The following HDAC9 variants were observed in gnomAD, a reference collection of about 807,000 sequenced individuals.
HDAC9 encodes the protein histone deacetylase 9.
Under a neutral mutation model 139.4 loss-of-function variants are expected in HDAC9, and 41 were observed. That is an observed-to-expected ratio of 0.29 (90% confidence interval 0.23 to 0.38). HDAC9 has a LOEUF of 0.38. HDAC9 is among the 10% of genes least tolerant of loss of function. The probability of loss-of-function intolerance (pLI) is 1.00; values close to 1 mark genes in which losing one functional copy is unlikely to be tolerated. For missense variants in HDAC9, 1,147 were observed against 1,297.0 expected, an observed-to-expected ratio of 0.88 and a Z score of 1.78; for synonymous variants, 517 against 476.2, an observed-to-expected ratio of 1.09 and a Z score of -1.12.
In HDAC9 at chr7:18,557,886, A is replaced by G. The variant is rs76989344; in HGVS notation, c.23-27395A>G. On this transcript the variant is annotated intron_variant, in intron 2 of 25. Transcript: ENST00000686413. Reference sequence around the variant, plus strand: ...TACTAACATATATTTTTCTTTTTACAAGTGAGCCTACTACCTGCTGAACTT... The same window carrying G: ...TACTAACATATATTTTTCTTTTTACGAGTGAGCCTACTACCTGCTGAACTT... 8.9e-3 allele frequency among the ~76,000 whole-genome samples: 1,350 copies of G among 152,002 alleles called. 24 individuals carry two copies. The highest frequency in any genetic ancestry group is 0.031 in the African/African-American group (1,295 of 41,526).
At chr7:18,715,080 T>C (rs1784603154) in intron 12 of HDAC9, among the ~76,000 whole-genome samples, 1 of 152,146 alleles carries the variant, frequency 6.6e-6, no homozygotes, top group African/African-American at 2.4e-5. Flanking sequence ...TCTCAGCAAA[T>C]ACACCAGAGT....
rs141754030 is a variant in HDAC9 at position 18,361,511 on chromosome 7, T to C, written c.-42+70996T>C. 1.6e-3 allele frequency among the ~76,000 whole-genome samples: 237 copies of C among 152,268 alleles called. 2 individuals are homozygous for C. Among genetic ancestry groups the C allele is most frequent in the African/African-American group, 5.5e-3 (228 of 41,550 alleles). ...GAAAACCTTTAAATTGAAATTTAATTATTTCAATTTAAACATTCTTATTCT... is the reference window on the plus strand; with the variant it reads ...GAAAACCTTTAAATTGAAATTTAATCATTTCAATTTAAACATTCTTATTCT... On this transcript the variant is annotated intron_variant, in intron 1 of 3. Coordinates refer to the HDAC9 transcript ENST00000413509.
intron 2 of HDAC9, among the ~76,000 whole-genome samples, chr7:18,223,977 C>T (rs749505548): frequency 1.3e-5 from 2 of 152,126 alleles, no homozygotes; most frequent in Non-Finnish European, 2.9e-5. Context: ...CAATTATCGT[C>T]ATTACAATAT....
At chr7:18,808,226 A>G (rs1793884578) in intron 17 of HDAC9, 1 of 152,196 alleles carries the variant, frequency 6.6e-6, no homozygotes, top group African/African-American at 2.4e-5. Context: ...CTGCCAAATC[A>G]ACCCTGGTGA....
intron 13 of HDAC9, among the ~76,000 whole-genome samples, chr7:18,735,712 A>C (rs1006009397): frequency 1.3e-5 from 2 of 152,214 alleles, no homozygotes; most frequent in African/African-American, 2.4e-5. Flanking sequence ...TGTCTTGGCT[A>C]TGCAGGCTCT....
chr7:18,857,693 C>G (rs1321316060), intron 21 of HDAC9, among the ~76,000 whole-genome samples: 2 of 152,018 alleles, frequency 1.3e-5, no homozygotes, highest in Admixed American at 6.6e-5. Flanking sequence ...AGGAATCTGT[C>G]CTGACATTAT....
intron 14 of HDAC9, among the ~76,000 whole-genome samples, chr7:18,754,733 A>G (rs1203324858): frequency 6.6e-6 from 1 of 152,162 alleles, no homozygotes; most frequent in African/African-American, 2.4e-5. Flanking sequence ...TCTTCTCGGC[A>G]GTTCCAATGA....
intron 1 of HDAC9, among the ~76,000 whole-genome samples, chr7:18,373,862 C>T (rs1784775355): frequency 1.3e-5 from 2 of 151,988 alleles, no homozygotes; most frequent in Non-Finnish European, 2.9e-5. Context: ...ATACTTGTGA[C>T]TCCAGTTTTT....
Position 18,277,550 on chromosome 7 carries a change from C to A in HDAC9, c.25+115201C>A, listed in dbSNP as rs535588110. ...TTATTTATACGTAGAACTTATAGTT[C>A]TTTTCTTCCATTTTGATATTGTCTG... On this transcript the variant is annotated intron_variant, in intron 2 of 12. Transcript: ENST00000417496. Among the ~76,000 whole-genome samples the A allele has an allele frequency of 3.3e-5, 5 of 152,210 alleles. No individual in the cohort carries two copies. The South Asian group carries it at 8.3e-4, about 25-fold the overall frequency.
chr7:18,373,398 T>G (rs1454739426), intron 1 of HDAC9, among the ~76,000 whole-genome samples: 1 of 152,196 alleles, frequency 6.6e-6, no homozygotes, highest in Non-Finnish European at 1.5e-5. Flanking sequence ...TATCCTTCAT[T>G]TATTCATCTG....
intron 6 of HDAC9, among the ~76,000 whole-genome samples, chr7:18,604,115 G>A (rs1272437899): frequency 6.6e-6 from 1 of 151,632 alleles, no homozygotes; most frequent in Non-Finnish European, 1.5e-5. Context: ...TATTTATATT[G>A]TTTCATATTC....
chr7:18,987,782 T>C (rs1428679436), intron 25 of HDAC9, among the ~76,000 whole-genome samples: 1 of 152,202 alleles, frequency 6.6e-6, no homozygotes, highest in Non-Finnish European at 1.5e-5. Flanking sequence ...AACTTCTTCC[T>C]GGTTTAGTCT....
intron 2 of HDAC9, among the ~76,000 whole-genome samples, chr7:18,532,957 C>T (rs1809525681): frequency 6.6e-6 from 1 of 152,084 alleles, no homozygotes; most frequent in Non-Finnish European, 1.5e-5. Flanking sequence ...TGTGTTCACC[C>T]ACAGGAGTGT....
chr7:18,164,382 T>A (rs1787860529), intron 2 of HDAC9, among the ~76,000 whole-genome samples: 1 of 152,212 alleles, frequency 6.6e-6, no homozygotes, highest in South Asian at 2.1e-4. Context: ...ATTGTTTGAT[T>A]TAGAAAAAAA....
intron 1 of HDAC9, among the ~76,000 whole-genome samples, chr7:18,351,069 T>C (rs1453155306): frequency 6.6e-6 from 1 of 152,198 alleles, no homozygotes; most frequent in Non-Finnish European, 1.5e-5. Flanking sequence ...TTAACTCCTT[T>C]TTTTCCTTCA....
At chr7:18,573,961 T>C (rs1192521932) in intron 2 of HDAC9, among the ~76,000 whole-genome samples, 1 of 152,194 alleles carries the variant, frequency 6.6e-6, no homozygotes, top group Non-Finnish European at 1.5e-5. Flanking sequence ...GCCCTGTTCG[T>C]GTTAACAGCT....
chr7:18,709,401 A>G (rs1035428067), intron 12 of HDAC9, among the ~76,000 whole-genome samples: 7 of 152,194 alleles, frequency 4.6e-5, no homozygotes, highest in African/African-American at 1.4e-4. Flanking sequence ...GCTGCATAGT[A>G]TGGAGTTTGT....
chr7:18,606,483 T>C (rs1426936680), intron 6 of HDAC9, among the ~76,000 whole-genome samples: 1 of 152,188 alleles, frequency 6.6e-6, no homozygotes, highest in African/African-American at 2.4e-5. Flanking sequence ...GTTCATATGC[T>C]AAAAACTGAG....
rs971682491 is a variant in HDAC9 at position 18,996,024 on chromosome 7, A to G, written c.3172A>G (p.Thr1058Ala). The G allele has an allele frequency of 5.6e-6, 9 of 1,601,210 alleles. No individual in the cohort carries two copies. Among genetic ancestry groups the G allele is most frequent in the Non-Finnish European group, 6.8e-6 (8 of 1,173,660 alleles). The change falls in exon 26 of 26, where the codon ACT (threonine) becomes GCT (alanine). Residue 1058 changes from threonine (T) to alanine (A), a missense_variant and splice_region_variant. Coordinates refer to ENST00000686413, the MANE Select transcript of HDAC9 (RefSeq NM_178425.4). ...CTGATTGCCTGTTTATTTTTACAGA[A>G]CTGCTGGTGAGCCTATGGAAGAGGA... ...EQPFAQEDSR[T>A]AGEPMEEEPA... is the part of the protein sequence containing the mutation.
Sources: allele counts gnomAD v4.1 joint callset (sites outside exome capture counted in the v4.1 genomes callset), GRCh38; gene constraint gnomAD v4.1.1; transcripts MANE v1.5; gene names NCBI Gene and HGNC (gene_info 2026-07-23, HGNC 2026-07-21).